Variants in ITK observed in about 807,000 individuals in gnomAD.
ITK encodes the protein IL2 inducible T cell kinase.
ITK carries 45 observed loss-of-function variants against 87.6 expected under a neutral mutation model. The ratio of observed to expected loss-of-function variants is 0.51; its 90% CI spans 0.40 to 0.66. ITK has a LOEUF of 0.66. Among genes scored for constraint, ITK ranks in the 30% least tolerant of loss-of-function variants. The probability of loss-of-function intolerance (pLI) is 0.00; values close to 1 mark genes in which losing one functional copy is unlikely to be tolerated. For missense variants in ITK, 605 were observed against 766.3 expected (o/e 0.79, Z 2.48); for synonymous variants, 303 against 273.6 (o/e 1.11, Z -1.06).
At chr5:157,215,169 A>G (rs1418038047) in intron 4 of ITK, among the ~76,000 whole-genome samples, 1 of 152,188 alleles carries the variant, frequency 6.6e-6, no homozygotes, top group Non-Finnish European at 1.5e-5. Context: ...TCCGGGTCAC[A>G]CCGCTGGAAG....
intron 7 of ITK, among the ~76,000 whole-genome samples, chr5:157,232,060 A>T (rs916389107): frequency 3.9e-5 from 6 of 152,238 alleles, no homozygotes; most frequent in Non-Finnish European, 8.8e-5. Flanking sequence ...CAAACCTAGC[A>T]TCAACAATGA....
intron 9 of ITK, 78 bp downstream of exon 9, chr5:157,238,269 G>A (rs1335054380): frequency 2.8e-6 from 3 of 1,084,446 alleles, no homozygotes; most frequent in African/African-American, 1.5e-5. Flanking sequence ...AGACAACAAA[G>A]TTAGACAGTG....
At chr5:157,238,214 C>CAAAGTGGAGAGAA in intron 9 of ITK, 23 bp downstream of exon 9, 1 of 1,560,742 alleles carries the variant, frequency 6.4e-7, no homozygotes. Flanking sequence ...CTCTGCTCAG[C>CAAAGTGGAGAGAA]AAAGTGGAGA....
Position 157,252,617 on chromosome 5 carries a change from A to T in ITK, c.1802A>T (p.Asp601Val). ...TTTTTCCCTCTCCAGAGACCAGAAG[A>T]TCGGCCAGCCTTCTCCAGACTGCTG... ...MNHCWKERPEDRPAFSRLLRQ... is the reference protein window; with the variant it reads ...MNHCWKERPEVRPAFSRLLRQ... Residue 601 changes from aspartate (D) to valine (V), a missense_variant, in exon 17 of 17, where the codon GAT becomes GTT. By Grantham distance (152) the Asp-to-Val change is radical. Coordinates refer to ENST00000422843, the MANE Select transcript of ITK (RefSeq NM_005546.4). 1 of 1,614,024 alleles carries T rather than the reference A, an allele frequency of 6.2e-7. No homozygotes were observed. The highest frequency in any genetic ancestry group is 1.7e-5 in the Admixed American group (1 of 60,030).
intron 1 of ITK, among the ~76,000 whole-genome samples, chr5:157,183,584 G>A (rs1244432237): frequency 6.6e-6 from 1 of 152,100 alleles, no homozygotes; most frequent in Non-Finnish European, 1.5e-5. Context: ...AAGCTAGCAG[G>A]CTGTCATAAC....
At chr5:157,239,784 A>G (rs1754851202) in intron 9 of ITK, among the ~76,000 whole-genome samples, 1 of 152,198 alleles carries the variant, frequency 6.6e-6, no homozygotes, top group Non-Finnish European at 1.5e-5. Context: ...CACATAGCAA[A>G]TATTTCCATT....
At chr5:157,201,961 A>G (rs781611051) in intron 1 of ITK, among the ~76,000 whole-genome samples, 4 of 152,186 alleles carry the variant, frequency 2.6e-5, no homozygotes, top group Non-Finnish European at 5.9e-5. Context: ...CATAGTACCC[A>G]GTAGGTAGAT....
intron 7 of ITK, among the ~76,000 whole-genome samples, chr5:157,229,344 G>T (rs554394037): frequency 6.6e-6 from 1 of 152,138 alleles, no homozygotes; most frequent in Non-Finnish European, 1.5e-5. Context: ...TAGCAGGCCC[G>T]TCTGAAACAG....
chr5:157,247,139 G>A (rs907984922), intron 15 of ITK, among the ~76,000 whole-genome samples: 4 of 152,150 alleles, frequency 2.6e-5, no homozygotes, highest in African/African-American at 9.7e-5. Flanking sequence ...AAACCAGGGG[G>A]GAGTTTGGCT....
rs141820552 is a variant in ITK at position 157,232,086 on chromosome 5, T to C, written c.714-254T>C. 2.2e-4 allele frequency among the ~76,000 whole-genome samples: 33 copies of C among 152,366 alleles called. No homozygotes were observed. In the East Asian group the frequency reaches 5.8e-3, roughly 27 times the overall value. On this transcript the variant is annotated intron_variant, in intron 7 of 16. Coordinates refer to ENST00000422843, the MANE Select transcript of ITK (RefSeq NM_005546.4). Reference sequence around the variant, plus strand: ...TCAACAATGATCAGTATTTTGCCAATTCTGTTTCATATGTTTCTTTCCAAT... The same window carrying C: ...TCAACAATGATCAGTATTTTGCCAACTCTGTTTCATATGTTTCTTTCCAAT...
intron 3 of ITK, among the ~76,000 whole-genome samples, chr5:157,212,028 G>A (rs35274820): frequency 0.016 from 2,498 of 152,310 alleles, 29 homozygotes; most frequent in Non-Finnish European, 0.027. Context: ...ACAGTTAGAG[G>A]CAGCAGTGTT....
chr5:157,250,099 T>C (rs1755111835), intron 16 of ITK, among the ~76,000 whole-genome samples: 1 of 152,222 alleles, frequency 6.6e-6, no homozygotes, highest in East Asian at 1.9e-4. Context: ...TAGTTTACAT[T>C]AAGGTTCAGT....
At chr5:157,190,036 A>G (rs1316983398) in intron 1 of ITK, among the ~76,000 whole-genome samples, 3 of 152,208 alleles carry the variant, frequency 2.0e-5, no homozygotes, top group Non-Finnish European at 4.4e-5. Flanking sequence ...TCCCATGCAT[A>G]TAAAAGTCCC....
rs1349766810 is a variant in ITK, at chr5:157,253,878, T to C, written c.*1200T>C. 2 of 222,500 alleles carry C rather than the reference T, an allele frequency of 9.0e-6. No individual in the cohort carries two copies. The highest frequency in any genetic ancestry group is 5.8e-5 in the Admixed American group (1 of 17,384). 13.8% of individuals were successfully genotyped at this position (222,500 alleles called of 1,614,324 possible). ...CTACTCTGGCTTGAGCACTTCTATA[T>C]GCAAGGTGAATATGTACTGAGCTAG... On this transcript the variant is annotated 3_prime_UTR_variant, in exon 17 of 17. Transcript: ENST00000422843.
chr5:157,236,521 T>G (rs1255443759), intron 8 of ITK, among the ~76,000 whole-genome samples: 1 of 152,214 alleles, frequency 6.6e-6, no homozygotes, highest in Non-Finnish European at 1.5e-5. Context: ...TTGTTGTAGT[T>G]TCTATATACT....
In ITK at chr5:157,209,001, C is replaced by T. The variant is rs1192995619; in HGVS notation, c.243+8C>T. 2.5e-6 allele frequency: 4 copies of T among 1,574,038 alleles called. No homozygotes were observed. The highest frequency in any genetic ancestry group is 3.5e-6 in the Non-Finnish European group (4 of 1,143,564). On this transcript the variant is annotated splice_region_variant and intron_variant, in intron 2 of 16. Coordinates refer to ENST00000422843, the MANE Select transcript of ITK (RefSeq NM_005546.4). ...TATAAATACCCGTTTCAGGTAAGTC[C>T]ATCAGGTGGGTAGTTCCCCATTCCC...
At chr5:157,195,055 A>G (rs1269405849) in intron 1 of ITK, 1 of 152,272 alleles carries the variant, frequency 6.6e-6, no homozygotes, top group Non-Finnish European at 1.5e-5. Flanking sequence ...GGGTTGCTGC[A>G]AAAGTAATTG....
At chr5:157,243,546 C>T (rs1171581917) in intron 11 of ITK, 77 bp from the exon 12 acceptor site, 9 of 1,216,248 alleles carry the variant, frequency 7.4e-6, no homozygotes, top group Non-Finnish European at 1.1e-5. Flanking sequence ...CTAGTTAGGG[C>T]TTTATAGTCC....
At chr5:157,215,251 C>G (rs553348678) in intron 4 of ITK, among the ~76,000 whole-genome samples, 1 of 152,174 alleles carries the variant, frequency 6.6e-6, no homozygotes, top group Non-Finnish European at 1.5e-5. Context: ...TTCCTCTCTT[C>G]TCAACCTCTT....
Sources: allele counts gnomAD v4.1 joint callset (sites outside exome capture counted in the v4.1 genomes callset), GRCh38; gene constraint gnomAD v4.1.1; transcripts MANE v1.5; gene names NCBI Gene and HGNC (gene_info 2026-07-23, HGNC 2026-07-21).